The following HOPX variants were observed in gnomAD, a reference collection of about 807,000 sequenced individuals.
The protein encoded by HOPX is homeodomain-only protein.
Under a neutral mutation model 11.8 loss-of-function variants are expected in HOPX, and 5 were observed. The observed-to-expected ratio is 0.43, with a 90% confidence interval of 0.22 to 0.89. The LOEUF is 0.89. HOPX is among the 40% of genes least tolerant of loss of function. The pLI is 0.28. For missense variants in HOPX, 119 were observed against 120.0 expected, an observed-to-expected ratio of 0.99 and a Z score of 0.04; for synonymous variants, 49 against 49.7, an observed-to-expected ratio of 0.99 and a Z score of 0.06.
In HOPX at chr4:56,655,878, G is replaced by T; in HGVS notation, c.177C>A (p.Gly59=). 6.2e-7 allele frequency: 1 copy of T among 1,611,688 alleles called. No homozygotes were observed. The highest frequency in any genetic ancestry group is 8.5e-7 in the Non-Finnish European group (1 of 1,179,040). Residue 59 remains glycine (G), a synonymous_variant, in exon 3 of 4, where the codon GGC becomes GGA. Transcript: ENST00000420433. ...GCACCTGGGTCTCCTCCTCGGAAAG[G>T]CCTGCCTCGGCCGCGATGAGGCACA... ...TTLCLIAAEA[G]LSEEETQKWF... is the part of the protein sequence containing the mutation.
upstream of HOPX, chr4:56,681,585 G>C (rs1719326558): frequency 1.0e-6 from 1 of 1,000,210 alleles, no homozygotes; most frequent in African/African-American, 1.7e-5. Context: ...GATAGGATAA[G>C]AGAGATGTGG....
chr4:56,661,647 G>A (rs1266507298), intron 1 of HOPX, among the ~76,000 whole-genome samples: 1 of 152,202 alleles, frequency 6.6e-6, no homozygotes, highest in Non-Finnish European at 1.5e-5. Flanking sequence ...CAAAGTTGTT[G>A]TGTGTTCTTT....
chr4:56,651,867 AGAGAGAGTGTGT>A lies in HOPX; in HGVS notation c.199-3082_199-3071del, dbSNP rs1455162116. On this transcript the variant is annotated intron_variant, in intron 3 of 3. Transcript: ENST00000420433. ...GAAAGGGAGAGAGAGAAAGAGAGAG[AGAGAGAGTGTGT>A]GTGTGTGTGTGTGTGTGTGTGTGTG... Among the ~76,000 whole-genome samples, 147 of 128,418 alleles carry A rather than the reference AGAGAGAGTGTGT, an allele frequency of 1.1e-3. No individual in the cohort carries two copies. The East Asian group carries it at 0.015, about 13-fold the overall frequency. The allele number at this position is 128,418 out of a possible 152,430, so 84.2% of individuals were successfully genotyped here.
intron 1 of HOPX, among the ~76,000 whole-genome samples, chr4:56,660,062 G>A (rs1029218160): frequency 1.3e-5 from 2 of 152,174 alleles, no homozygotes; most frequent in African/African-American, 4.8e-5. Flanking sequence ...GCATTCTTGT[G>A]ATGAGATCAG....
intron 1 of HOPX, among the ~76,000 whole-genome samples, chr4:56,661,067 C>T (rs961357636): frequency 1.3e-5 from 2 of 152,162 alleles, no homozygotes; most frequent in African/African-American, 4.8e-5. Context: ...AGGCCTCAGT[C>T]TCCTGAGCAG....
chr4:56,670,772 G>T (rs759982162), intron 1 of HOPX, among the ~76,000 whole-genome samples: 1 of 152,118 alleles, frequency 6.6e-6, no homozygotes, highest in Non-Finnish European at 1.5e-5. Flanking sequence ...TGAGGCGAGC[G>T]GATTACTTGA....
chr4:56,680,940 TG>T, intron 1 of HOPX: 2 of 704,802 alleles, frequency 2.8e-6, no homozygotes, highest in Non-Finnish European at 3.5e-6. Flanking sequence ...TGACAAATGC[TG>T]GTTTCAAAGT....
Position 56,655,928 on chromosome 4 carries a change from C to G in HOPX, c.127G>C (p.Asp43His). The G allele has an allele frequency of 6.2e-7, 1 of 1,611,898 alleles. No homozygotes were observed. The highest frequency in any genetic ancestry group is 1.1e-5 in the South Asian group (1 of 90,416). The change falls in exon 3 of 4, where the codon GAC (aspartate) becomes CAC (histidine). Residue 43 changes from aspartate (D) to histidine (H), a missense_variant. Asp to His is a moderately conservative substitution (Grantham distance 81, BLOSUM62 -1). Transcript: ENST00000420433. ...EILEYNFNKVDKHPDSTTLCL... is the reference protein window; with the variant it reads ...EILEYNFNKVHKHPDSTTLCL... ...AGCGTGGTGGAATCCGGGTGCTTGT[C>G]GACCTTGTTGAAGTTGTACTCCAGG...
intron 3 of HOPX, chr4:56,650,272 G>A (rs1415009701): frequency 6.1e-6 from 1 of 164,176 alleles, no homozygotes; most frequent in Non-Finnish European, 1.4e-5. Flanking sequence ...TAGGGGTAAG[G>A]GGACGAGGAA....
chr4:56,659,782 T>G (rs1717999430), intron 1 of HOPX, among the ~76,000 whole-genome samples: 1 of 152,230 alleles, frequency 6.6e-6, no homozygotes, highest in African/African-American at 2.4e-5. Flanking sequence ...ATTCTAAATA[T>G]TCTTATGCCG....
chr4:56,651,275 C>A (rs78708865), intron 3 of HOPX: 3,273 of 153,100 alleles, frequency 0.021, 100 homozygotes, highest in African/African-American at 0.071. Flanking sequence ...TGAGCCCTAA[C>A]ATTGGGGGAT....
At chr4:56,651,059 G>T in intron 3 of HOPX, 1 of 341,158 alleles carries the variant, frequency 2.9e-6, no homozygotes, top group South Asian at 6.6e-5. Flanking sequence ...TGTAAAGACT[G>T]ACTAATTAAA....
intron 3 of HOPX, chr4:56,651,121 G>A: frequency 4.3e-6 from 1 of 230,612 alleles, no homozygotes; most frequent in East Asian, 1.1e-4. Context: ...AAGAAAAAAT[G>A]GTTGAGCTGG....
chr4:56,681,208 C>G (rs1178273683), intron 1 of HOPX, 47 bp downstream of exon 1: 1 of 982,284 alleles, frequency 1.0e-6, no homozygotes, highest in African/African-American at 1.8e-5. Context: ...AGTTCCTGCA[C>G]AAACTCATTC....
At chr4:56,660,063 A>T (rs6817685) in intron 1 of HOPX, among the ~76,000 whole-genome samples, 80,400 of 152,046 alleles carry the variant, frequency 0.53, 22,435 homozygotes, top group African/African-American at 0.72. Context: ...CATTCTTGTG[A>T]TGAGATCAGA....
chr4:56,667,466 C>T lies in HOPX; in HGVS notation c.-83-9567G>A, dbSNP rs540767353. 3.5e-4 allele frequency among the ~76,000 whole-genome samples: 54 copies of T among 152,188 alleles called. No individual in the cohort carries two copies. The South Asian group carries it at 8.5e-3, about 24-fold the overall frequency. ...TCTCTGTTTATATTTGATCACAGGACTGACTCTGTTGGAGATGTAATGGAT... is the reference window on the plus strand; with the variant it reads ...TCTCTGTTTATATTTGATCACAGGATTGACTCTGTTGGAGATGTAATGGAT... On this transcript the variant is annotated intron_variant, in intron 1 of 3. Coordinates refer to ENST00000420433, the MANE Select transcript of HOPX (RefSeq NM_032495.6).
intron 1 of HOPX, among the ~76,000 whole-genome samples, chr4:56,659,724 A>C (rs537217314): frequency 6.6e-6 from 1 of 152,222 alleles, no homozygotes; most frequent in African/African-American, 2.4e-5. Flanking sequence ...AGAGACACAA[A>C]AAGTATTTCA....
chr4:56,661,060 C>T (rs987675762), intron 1 of HOPX, among the ~76,000 whole-genome samples: 1 of 152,122 alleles, frequency 6.6e-6, no homozygotes, highest in African/African-American at 2.4e-5. Context: ...GATCCTTAGG[C>T]CTCAGTCTCC....
At chr4:56,674,326 A>G (rs776951562) in intron 1 of HOPX, among the ~76,000 whole-genome samples, 3 of 151,810 alleles carry the variant, frequency 2.0e-5, no homozygotes, top group Admixed American at 6.5e-5. Context: ...CAAACTGAAA[A>G]TCTGGAAAGG....
Sources: gnomAD v4.1 joint callset for allele counts (sites outside exome capture counted in the v4.1 genomes callset) on GRCh38, gnomAD v4.1.1 for gene constraint, MANE v1.5 for transcripts, NCBI Gene and HGNC (gene_info 2026-07-23, HGNC 2026-07-21) for gene names.